Variants in NCF4 observed in about 807,000 individuals in gnomAD.
NCF4 encodes neutrophil cytosolic factor 4.
In NCF4, 30 loss-of-function variants were observed where a neutral mutation model predicts 41.7. That is an observed-to-expected ratio of 0.72 (90% CI 0.54 to 0.97). The LOEUF (loss-of-function observed/expected upper bound fraction) is 0.97. NCF4 is among the 50% of genes least tolerant of loss of function. The pLI, the probability that NCF4 is intolerant of heterozygous loss-of-function variation, is 0.00. For missense variants in NCF4, 432 were observed against 460.9 expected, an observed-to-expected ratio of 0.94 and a Z score of 0.57; for synonymous variants, 195 against 175.8, an observed-to-expected ratio of 1.11 and a Z score of -0.87.
At chr22:36,862,140 G>A (rs1470134951) in intron 1 of NCF4, among the ~76,000 whole-genome samples, 1 of 152,206 alleles carries the variant, frequency 6.6e-6, no homozygotes, top group East Asian at 1.9e-4. Flanking sequence ...AGGACGCAAA[G>A]CCTGGCCCCT....
At position 36,861,107 on chromosome 22, in the gene NCF4, G is replaced by A. The variant is rs895654373; in HGVS notation, c.-65G>A. On this transcript the variant is annotated 5_prime_UTR_variant, in exon 1 of 10. Transcript: ENST00000248899. ...CGCAGGGTGGCTGGAGGAAGTGAGA[G>A]GTGAACTCAGCCTGGGACTGGCTGG... 4 of 1,545,462 alleles carry A rather than the reference G, an allele frequency of 2.6e-6. No homozygotes were observed. The highest frequency in any genetic ancestry group is 3.5e-6 in the Non-Finnish European group (4 of 1,141,688).
rs199890705 is a variant in NCF4, at chr22:36,872,325, A to T, written c.529-2A>T. ...CCCTCCTTACTGCACGCTTCTCCTC[A>T]GGCTCTATTTGACTTCACTGGAAAC... On this transcript the variant is annotated splice_acceptor_variant, in intron 6 of 9. Transcript: ENST00000248899. LOFTEE classifies it high-confidence loss of function. 87 of 1,596,602 alleles carry T rather than the reference A, an allele frequency of 5.4e-5. No individual in the cohort carries two copies. The highest frequency in any genetic ancestry group is 4.6e-5 in the Non-Finnish European group (54 of 1,164,118).
At position 36,865,161 on chromosome 22, in the gene NCF4, A is replaced by G; in HGVS notation, c.271+89A>G. 6.4e-7 allele frequency: 1 copy of G among 1,556,016 alleles called. No individual in the cohort carries two copies. ...GACACTGTTCTGTGATTTGATCTCA[A>G]CCCCAGTGAAAACTGTTCATGTAGT... On this transcript the variant is annotated intron_variant, in intron 3 of 9. Transcript: ENST00000248899. The surrounding 1 kb of genome is among the most constrained non-coding windows in gnomAD (Gnocchi z 4.3).
At chr22:36,866,499 C>G (rs1238809870) in intron 3 of NCF4, among the ~76,000 whole-genome samples, 2 of 152,192 alleles carry the variant, frequency 1.3e-5, no homozygotes, top group Non-Finnish European at 2.9e-5. Flanking sequence ...GACATCCTCT[C>G]TCCCCTGCCT....
rs1939762472 is a variant in NCF4, at chr22:36,861,052, G to C, written c.-120G>C. 4 of 1,361,982 alleles carry C rather than the reference G, an allele frequency of 2.9e-6. No homozygotes were observed. Among genetic ancestry groups the C allele is most frequent in the Non-Finnish European group, 4.1e-6 (4 of 975,754 alleles). The allele number at this position is 1,361,982 out of a possible 1,614,324, so 84.4% of individuals were successfully genotyped here. On this transcript the variant is annotated 5_prime_UTR_variant, in exon 1 of 10. Transcript: ENST00000248899. ...GAGCCTCCCCAAAGGCAGCTCCTGG[G>C]GACTCCCAGGACCACAGGCTGAGAC...
chr22:36,871,847 T>A, intron 6 of NCF4, 138 bp downstream of exon 6: 1 of 1,082,984 alleles, frequency 9.2e-7, no homozygotes, highest in Non-Finnish European at 1.4e-6. Flanking sequence ...AAGGAAGGGG[T>A]TACAGCCTCA....
intron 6 of NCF4, among the ~76,000 whole-genome samples, chr22:36,871,916 C>T (rs897680883): frequency 2.6e-5 from 4 of 152,270 alleles, no homozygotes; most frequent in African/African-American, 7.2e-5. Context: ...GACCAGCGTG[C>T]GGAGCCAGAG....
intron 9 of NCF4, 114 bp downstream of exon 9, chr22:36,876,208 C>CTT: frequency 2.7e-6 from 3 of 1,105,610 alleles, no homozygotes; most frequent in Non-Finnish European, 2.5e-6. Flanking sequence ...TTTGTCTTCT[C>CTT]TTTTTATCCG....
At position 36,872,397 on chromosome 22, in the gene NCF4, T is replaced by A; in HGVS notation, c.599T>A (p.Leu200His). The change falls in exon 7 of 10, where the codon CTC becomes CAC. Residue 200 changes from leucine to histidine, a missense_variant. Physicochemically the swap from Leu to His is moderately conservative, Grantham distance 99 (BLOSUM62 -3). Coordinates refer to ENST00000248899, the MANE Select transcript of NCF4 (RefSeq NM_000631.5). ...AAAGCTGGAGATGTGATCTTCCTCC[T>A]CAGTCGGATCAACAAAGACTGGCTG... ...NFKAGDVIFLLSRINKDWLEG... is the reference protein window; with the variant it reads ...NFKAGDVIFLHSRINKDWLEG... 1 of 1,612,674 alleles carries A rather than the reference T, an allele frequency of 6.2e-7. No homozygotes were observed. Among genetic ancestry groups the A allele is most frequent in the Non-Finnish European group, 8.5e-7 (1 of 1,178,634 alleles).
At position 36,877,714 on chromosome 22, in the gene NCF4, C is replaced by A. The variant is rs5995361; in HGVS notation, c.911C>A (p.Ala304Glu). 1.2e-4 allele frequency: 192 copies of A among 1,614,130 alleles called. No homozygotes were observed. In the African/African-American group the frequency reaches 2.1e-3, roughly 18 times the overall value. Residue 304 changes from alanine (A) to glutamate (E), a missense_variant, in exon 10 of 10, where the codon GCG (alanine) becomes GAG (glutamate). Ala to Glu is a moderately radical substitution (Grantham distance 107, BLOSUM62 -1). Coordinates refer to ENST00000248899, the MANE Select transcript of NCF4 (RefSeq NM_000631.5). ...CGGCTGCTGTCGGATGAGGACGTAG[C>A]GCTCATGGTGCGGCAGGCTCGTGGC... ...LVRLLSDEDV[A>E]LMVRQARGLP...
chr22:36,871,605 C>T lies in NCF4; in HGVS notation c.471-47C>T, dbSNP rs1408269209. On this transcript the variant is annotated intron_variant, in intron 5 of 9. Coordinates refer to ENST00000248899, the MANE Select transcript of NCF4 (RefSeq NM_000631.5). The stretch of plus-strand genomic sequence containing the variant: ...CTGGACACAGGAGCAGGAAGCTGGG[C>T]CCTGAGAGAATCACAGGGCTAACAA... The T allele has an allele frequency of 3.9e-6, 6 of 1,545,420 alleles. No homozygotes were observed. The Admixed American group carries it at 7.8e-5, about 20-fold the overall frequency.
rs1940227405 is a variant in NCF4, at chr22:36,877,799, CA to C, written c.997del (p.Arg333GlyfsTer16). 6.2e-7 allele frequency: 1 copy of C among 1,613,840 alleles called. No homozygotes were observed. The highest frequency in any genetic ancestry group is 1.3e-5 in the African/African-American group (1 of 74,886). On this transcript the variant is annotated frameshift_variant, in exon 10 of 10. Coordinates refer to ENST00000248899, the MANE Select transcript of NCF4 (RefSeq NM_000631.5). LOFTEE classifies it high-confidence loss of function. ...TGCACATCACGCAGAAGGACAACTA[CA>C]GGGTCTACAACACGATGCCATGAGC... ...KLHITQKDNY[R>X]VYNTMP
At chr22:36,872,157 C>A in intron 6 of NCF4, 170 bp from the exon 7 acceptor site, 1 of 723,964 alleles carries the variant, frequency 1.4e-6, no homozygotes, top group Non-Finnish European at 2.5e-6. Flanking sequence ...GACCTGGGTT[C>A]AATTCCCAGC....
intron 4 of NCF4, among the ~76,000 whole-genome samples, chr22:36,869,597 G>C (rs1413937568): frequency 2.0e-5 from 3 of 151,940 alleles, no homozygotes; most frequent in Non-Finnish European, 4.4e-5. Flanking sequence ...TGGAGCCTCA[G>C]CACCCAAAGC....
rs79312013 is a variant in NCF4 at position 36,870,411 on chromosome 22, A to G, written c.343-4A>G. The G allele has an allele frequency of 3.1e-3, 4,965 of 1,613,768 alleles. 20 individuals are homozygous for G. The highest frequency in any genetic ancestry group is 2.9e-3 in the Non-Finnish European group (3,438 of 1,180,000). On this transcript the variant is annotated splice_region_variant and splice_polypyrimidine_tract_variant and intron_variant, in intron 4 of 9. Transcript: ENST00000248899. ...CCACCGGTTCTGCTGTCTCACCCAC[A>G]CAGAGCCTGCTCAGCCTGCCGGTCT...
intron 1 of NCF4, among the ~76,000 whole-genome samples, chr22:36,862,499 C>T (rs1407255157): frequency 6.6e-6 from 1 of 152,182 alleles, no homozygotes; most frequent in Non-Finnish European, 1.5e-5. Context: ...TTGGGCACTT[C>T]CTGCTTTCTG....
chr22:36,865,066 C>A lies in NCF4; in HGVS notation c.265C>A (p.Leu89Ile). ...SSALACTLPT[L>I]PAKVYVGVKQ... ...TGCCCTGGCCTGTACCCTGCCCACA[C>A]TCCCAGGTAGGCGGCCACTCCCGTC... The change falls in exon 3 of 10, where the codon CTC becomes ATC. Residue 89 changes from leucine (L) to isoleucine (I), a missense_variant. Transcript: ENST00000248899. This position sits in a 1 kb window ranked among gnomAD's most constrained non-coding sequence, Gnocchi z 4.3. 6.2e-7 allele frequency: 1 copy of A among 1,611,076 alleles called. No individual in the cohort carries two copies. The highest frequency in any genetic ancestry group is 8.5e-7 in the Non-Finnish European group (1 of 1,180,012).
Position 36,872,371 on chromosome 22 carries a change from C to G in NCF4, c.573C>G (p.Phe191Leu). The part of the protein sequence containing the change: ...FTGNSKLELN[F>L]KAGDVIFLLS... The stretch of plus-strand genomic sequence containing the variant: ...GAAACAGCAAACTGGAGCTGAATTT[C>G]AAAGCTGGAGATGTGATCTTCCTCC... Residue 191 changes from phenylalanine to leucine, a missense_variant, in exon 7 of 10, where the codon TTC (phenylalanine) becomes TTG (leucine). Phe to Leu is a conservative substitution (Grantham distance 22). Coordinates refer to ENST00000248899, the MANE Select transcript of NCF4 (RefSeq NM_000631.5). 6.2e-7 allele frequency: 1 copy of G among 1,613,834 alleles called. No homozygotes were observed. Among genetic ancestry groups the G allele is most frequent in the Non-Finnish European group, 8.5e-7 (1 of 1,179,680 alleles).
chr22:36,875,493 A>C (rs1940171128), intron 7 of NCF4, among the ~76,000 whole-genome samples, 160 bp from the exon 8 acceptor site: 1 of 152,186 alleles, frequency 6.6e-6, no homozygotes, highest in African/African-American at 2.4e-5. Flanking sequence ...CTTAGAAGTG[A>C]CCAGCTCAGC....
Sources: allele counts gnomAD v4.1 joint callset (sites outside exome capture counted in the v4.1 genomes callset), GRCh38; gene constraint gnomAD v4.1.1; non-coding constraint Gnocchi (gnomAD v3.1); transcripts MANE v1.5; gene names NCBI Gene and HGNC (gene_info 2026-07-23, HGNC 2026-07-21).